Variants in SCMH1 observed in about 807,000 individuals in gnomAD.
SCMH1 encodes polycomb protein SCMH1.
SCMH1 carries 37 observed loss-of-function variants against 70.8 expected under a neutral mutation model. The observed-to-expected ratio is 0.52, with a 90% CI of 0.40 to 0.69. The LOEUF (loss-of-function observed/expected upper bound fraction) is 0.69, where lower values mean the gene tolerates loss of function less well. Among genes scored for constraint, SCMH1 ranks in the 30% least tolerant of loss-of-function variants. The pLI, the probability that SCMH1 is intolerant of heterozygous loss-of-function variation, is 0.00. For missense variants in SCMH1, 607 were observed against 827.3 expected, an observed-to-expected ratio of 0.73 and a Z score of 3.27; for synonymous variants, 292 against 307.4, an observed-to-expected ratio of 0.95 and a Z score of 0.52.
intron 6 of SCMH1, among the ~76,000 whole-genome samples, chr1:41,127,450 T>C (rs929785545): frequency 6.6e-6 from 1 of 152,164 alleles, no homozygotes; most frequent in African/African-American, 2.4e-5. Context: ...CTAGTACTTA[T>C]ATAGTCATTT....
rs183292294 is a variant in SCMH1, at chr1:41,028,170, G to C, written c.*24C>G. The C allele has an allele frequency of 2.4e-5, 38 of 1,613,766 alleles. No individual in the cohort carries two copies. The African/African-American group carries it at 4.3e-4, about 18-fold the overall frequency. On this transcript the variant is annotated 3_prime_UTR_variant, in exon 15 of 15. Coordinates refer to ENST00000337495, the Ensembl canonical transcript of SCMH1. ...GAATGCCCCCACCTGCTGCCACTTG[G>C]TTGTCTAGGCTGCCTCTCCTGGTTC...
At chr1:41,028,252 A>G (rs1307223455) in exon 15 of SCMH1, 1 of 1,613,974 alleles carries the variant, frequency 6.2e-7, no homozygotes, top group Non-Finnish European at 8.5e-7. Flanking sequence ...TGCAGGCCCC[A>G]GCTTCAGGCC....
At chr1:41,226,161 A>G (rs181615952) in intron 1 of SCMH1, among the ~76,000 whole-genome samples, 111 of 152,344 alleles carry the variant, frequency 7.3e-4, no homozygotes, top group Non-Finnish European at 1.2e-3. Context: ...ATTAAATCTT[A>G]TAAGATTTTG....
chr1:41,099,920 T>C (rs1222764087), intron 8 of SCMH1, among the ~76,000 whole-genome samples: 1 of 152,150 alleles, frequency 6.6e-6, no homozygotes, highest in Non-Finnish European at 1.5e-5. Flanking sequence ...TAAACAACAT[T>C]AGAAAAGGTG....
At chr1:41,217,720 G>T (rs1658405645) in intron 1 of SCMH1, among the ~76,000 whole-genome samples, 1 of 152,198 alleles carries the variant, frequency 6.6e-6, no homozygotes, top group African/African-American at 2.4e-5. Context: ...CAGGACGACT[G>T]GCTCTGAGGG....
At chr1:41,115,850 T>C (rs1670332609) in intron 7 of SCMH1, among the ~76,000 whole-genome samples, 1 of 152,242 alleles carries the variant, frequency 6.6e-6, no homozygotes. Context: ...TAGATTTCTT[T>C]TACTTTCAAC....
intron 10 of SCMH1, among the ~76,000 whole-genome samples, chr1:41,059,945 C>T (rs1571626115): frequency 6.6e-6 from 1 of 151,670 alleles, no homozygotes; most frequent in South Asian, 2.1e-4. Context: ...TTCTAATTTT[C>T]CTTTACAAAT....
chr1:41,050,490 T>A (rs1256975603), intron 10 of SCMH1, among the ~76,000 whole-genome samples: 2 of 152,088 alleles, frequency 1.3e-5, no homozygotes, highest in African/African-American at 4.8e-5. Flanking sequence ...CCTTCATAAT[T>A]CTAATTCTAA....
chr1:41,058,365 C>G (rs1158804730), intron 10 of SCMH1, among the ~76,000 whole-genome samples: 2 of 98,946 alleles, frequency 2.0e-5, no homozygotes, highest in Admixed American at 2.3e-4. Flanking sequence ...AGTATTTATA[C>G]ATTTTCTTTC....
chr1:41,102,746 C>T (rs1027545873), intron 8 of SCMH1, among the ~76,000 whole-genome samples: 30 of 152,118 alleles, frequency 2.0e-4, no homozygotes, highest in Admixed American at 8.5e-4. Flanking sequence ...GGAGCAGTTT[C>T]GGCAAGTGGA....
intron 8 of SCMH1, among the ~76,000 whole-genome samples, chr1:41,110,610 G>A (rs1669042778): frequency 6.6e-6 from 1 of 152,188 alleles, no homozygotes; most frequent in African/African-American, 2.4e-5. Context: ...ACTGTAGCAT[G>A]TATTAGTACT....
chr1:41,056,178 AG>A (rs1233419086), intron 10 of SCMH1, among the ~76,000 whole-genome samples: 1 of 152,172 alleles, frequency 6.6e-6, no homozygotes, highest in Non-Finnish European at 1.5e-5. Context: ...CTATCTCTTG[AG>A]AAACTTGCTC....
chr1:41,070,418 A>G, intron 10 of SCMH1, among the ~76,000 whole-genome samples, 177 bp downstream of exon 10: 1 of 152,236 alleles, frequency 6.6e-6, no homozygotes, highest in East Asian at 1.9e-4. Context: ...GAGTTCACAG[A>G]AAATTTACCT....
intron 5 of SCMH1, among the ~76,000 whole-genome samples, chr1:41,148,359 G>C (rs1430412383): frequency 6.6e-6 from 1 of 152,000 alleles, no homozygotes; most frequent in Non-Finnish European, 1.5e-5. Context: ...TCTTTGTATA[G>C]ATCTGTTATT....
At chr1:41,054,257 T>C (rs552277002) in intron 10 of SCMH1, among the ~76,000 whole-genome samples, 2 of 152,238 alleles carry the variant, frequency 1.3e-5, no homozygotes, top group East Asian at 3.9e-4. Flanking sequence ...TTGCCTATAG[T>C]AACATGGAAA....
At position 41,106,934 on chromosome 1, in the gene SCMH1, C is replaced by T. The variant is rs879674135; in HGVS notation, c.745+6349G>A. Among the ~76,000 whole-genome samples the T allele has an allele frequency of 4.0e-5, 6 of 151,846 alleles. 1 individual carries two copies. In the South Asian group the frequency reaches 1.2e-3, roughly 31 times the overall value. On this transcript the variant is annotated intron_variant, in intron 8 of 14. Coordinates refer to ENST00000337495, the Ensembl canonical transcript of SCMH1. ...CTAACTCTTCACCTTGTGATCCACC[C>T]GCCTCTGCCTCCCAAAGTGCTGGGA...
At chr1:41,165,824 T>A (rs1572768765) in intron 2 of SCMH1, among the ~76,000 whole-genome samples, 1 of 152,264 alleles carries the variant, frequency 6.6e-6, no homozygotes, top group East Asian at 1.9e-4. Flanking sequence ...TTTCTCCCAA[T>A]CTGTGTGTTG....
At chr1:41,226,011 C>A (rs572012100) in intron 1 of SCMH1, among the ~76,000 whole-genome samples, 1 of 152,322 alleles carries the variant, frequency 6.6e-6, no homozygotes, top group South Asian at 2.1e-4. Context: ...GGTATCCCTG[C>A]ACAGAAACCT....
At chr1:41,034,215 T>G in intron 13 of SCMH1, among the ~76,000 whole-genome samples, 167 bp from the exon 14 acceptor site, 1 of 125,426 alleles carries the variant, frequency 8.0e-6, no homozygotes, top group African/African-American at 3.0e-5. Flanking sequence ...GCCCTTTAGA[T>G]TCCATTTTGC....
Sources: allele counts gnomAD v4.1 joint callset (sites outside exome capture counted in the v4.1 genomes callset), GRCh38; gene constraint gnomAD v4.1.1; transcripts MANE v1.5; gene names NCBI Gene and HGNC (gene_info 2026-07-23, HGNC 2026-07-21).